TUBGCP2: variants seen among roughly 807,000 people sequenced by gnomAD.
TUBGCP2 encodes tubulin gamma complex component 2.
TUBGCP2 carries 55 observed loss-of-function variants against 92.2 expected under a neutral mutation model. That is an observed-to-expected ratio of 0.60 (90% CI 0.48 to 0.75). TUBGCP2 has a LOEUF of 0.75. Ranked by LOEUF, TUBGCP2 falls within the 30% of genes least tolerant of loss-of-function variation. The probability of loss-of-function intolerance (pLI) is 0.00; values close to 1 mark genes in which losing one functional copy is unlikely to be tolerated. For synonymous variants in TUBGCP2, 533 were observed against 505.2 expected (o/e 1.06, Z -0.74); for missense variants, 1,093 against 1,188.9 (o/e 0.92, Z 1.19).
chr10:133,302,958 C>A lies in TUBGCP2; in HGVS notation c.-17G>T. ...TTCACTCATAGTTTTAGCTCTGAGGCACGAACATCACAATATGTTCTCCTA... is the reference window on the plus strand; with the variant it reads ...TTCACTCATAGTTTTAGCTCTGAGGAACGAACATCACAATATGTTCTCCTA... On this transcript the variant is annotated 5_prime_UTR_variant, in exon 2 of 18. Coordinates refer to ENST00000252936, the MANE Select transcript of TUBGCP2 (RefSeq NM_006659.4). 1 of 1,613,900 alleles carries A rather than the reference C, an allele frequency of 6.2e-7. No homozygotes were observed. The highest frequency in any genetic ancestry group is 8.5e-7 in the Non-Finnish European group (1 of 1,179,888).
At chr10:133,307,631 G>A (rs1017979100) in intron 1 of TUBGCP2, among the ~76,000 whole-genome samples, 1 of 152,322 alleles carries the variant, frequency 6.6e-6, no homozygotes, top group South Asian at 2.1e-4. Flanking sequence ...TGTAATCCCA[G>A]CTACTTGGGA....
chr10:133,302,731 A>G lies in TUBGCP2; in HGVS notation c.150+61T>C, dbSNP rs888719351. 5.6e-6 allele frequency: 9 copies of G among 1,598,566 alleles called. No individual in the cohort carries two copies. In the African/African-American group the frequency reaches 1.1e-4, roughly 19 times the overall value. On this transcript the variant is annotated intron_variant, in intron 2 of 17. Transcript: ENST00000252936. ...TGACCCAGGGGTGGGCTCACCCTGCACCACCCTGACCCAGGAACAGTGCTC... is the reference window on the plus strand; with the variant it reads ...TGACCCAGGGGTGGGCTCACCCTGCGCCACCCTGACCCAGGAACAGTGCTC...
intron 1 of TUBGCP2, among the ~76,000 whole-genome samples, chr10:133,304,875 TG>T (rs1217291296): frequency 1.3e-4 from 20 of 152,210 alleles, no homozygotes; most frequent in African/African-American, 4.8e-4. Flanking sequence ...CCTTCTGTCA[TG>T]CCCGGACAGG....
chr10:133,285,138 G>A lies in TUBGCP2; in HGVS notation c.1971C>T (p.Ser657=), dbSNP rs139647770. The A allele has an allele frequency of 2.0e-5, 32 of 1,612,892 alleles. No individual in the cohort carries two copies. Among genetic ancestry groups the A allele is most frequent in the Middle Eastern group, 1.7e-4 (1 of 6,056 alleles). Residue 657 remains serine (S), a synonymous_variant, in exon 13 of 18, where the codon AGC becomes AGT. Coordinates refer to ENST00000252936, the MANE Select transcript of TUBGCP2 (RefSeq NM_006659.4). The surrounding 1 kb of genome is among the most constrained non-coding windows in gnomAD (Gnocchi z 6.8). ...YCKHVERQLC[S]VWISNKTAKQ... ...TGGCGGTTTTGTTGCTGATCCAGAC[G>A]CTGCAGAGCTGCCGCTCCACGTGCT...
In TUBGCP2 at chr10:133,292,648, C is replaced by T. The variant is rs770556932; in HGVS notation, c.1065G>A (p.Thr355=). The T allele has an allele frequency of 8.1e-6, 13 of 1,613,924 alleles. No homozygotes were observed. In the Admixed American group the frequency reaches 1.5e-4, roughly 19 times the overall value. Residue 355 remains threonine, a synonymous_variant, in exon 8 of 18, where the codon ACG becomes ACA. Transcript: ENST00000252936. The part of the protein sequence containing the change: ...VDKGECLGGS[T]LSLLHDRSFS... ...AGCTCCTGTCGTGGAGCAGGCTCAGCGTGGACCCCCCAAGACATTCGCCTT... is the reference window on the plus strand; with the variant it reads ...AGCTCCTGTCGTGGAGCAGGCTCAGTGTGGACCCCCCAAGACATTCGCCTT...
chr10:133,291,931 A>G (rs115890924), intron 8 of TUBGCP2, among the ~76,000 whole-genome samples: 242 of 12,762 alleles, frequency 0.019, 34 homozygotes, highest in African/African-American at 0.071. Flanking sequence ...CGTGTCCCCC[A>G]TGTCCCTCCG....
In TUBGCP2 at chr10:133,282,219, G is replaced by C. The variant is rs774743120; in HGVS notation, c.2409+4C>G. 59 of 1,611,520 alleles carry C rather than the reference G, an allele frequency of 3.7e-5. No homozygotes were observed. In the South Asian group the frequency reaches 5.1e-4, roughly 14 times the overall value. On this transcript the variant is annotated splice_donor_region_variant and intron_variant, in intron 16 of 17. Coordinates refer to ENST00000252936, the MANE Select transcript of TUBGCP2 (RefSeq NM_006659.4). ...CTCTCTGGCCAAACCTGGAGGCCAC[G>C]CACCTTCCTGGCGAGCTCCTTCCGG...
At chr10:133,299,910 A>G (rs2136134974) in intron 3 of TUBGCP2, 75 bp downstream of exon 3, 1 of 1,566,850 alleles carries the variant, frequency 6.4e-7, no homozygotes. Context: ...GATGGCGTGG[A>G]GTGAGCAGGA....
intron 11 of TUBGCP2, among the ~76,000 whole-genome samples, chr10:133,287,741 C>CAA (rs755545622): frequency 1.9e-3 from 240 of 127,780 alleles, no homozygotes; most frequent in African/African-American, 6.0e-3. Context: ...AACTCCGTCT[C>CAA]AAAAAAAAAA....
chr10:133,282,114 G>A (rs890224516), intron 16 of TUBGCP2, 109 bp downstream of exon 16: 12 of 1,521,012 alleles, frequency 7.9e-6, no homozygotes, highest in Middle Eastern at 2.4e-4. Flanking sequence ...AATCTGAGGG[G>A]AGATGGAAGT....
intron 2 of TUBGCP2, 71 bp from the exon 3 acceptor site, chr10:133,300,184 A>G: frequency 6.4e-7 from 1 of 1,553,852 alleles, no homozygotes; most frequent in East Asian, 2.3e-5. Flanking sequence ...ACCTTTACGA[A>G]AATTGAACAC....
Position 133,283,873 on chromosome 10 carries a change from A to T in TUBGCP2, c.2145+9T>A. 6.2e-7 allele frequency: 1 copy of T among 1,613,612 alleles called. No homozygotes were observed. Among genetic ancestry groups the T allele is most frequent in the Non-Finnish European group, 8.5e-7 (1 of 1,179,682 alleles). On this transcript the variant is annotated intron_variant, in intron 14 of 17. Transcript: ENST00000252936. ...TTCAAACGTTATTATCTGTGGAGCT[A>T]AAACTCACGGATTTCAGGTTTTTCT... is the stretch of plus-strand genomic sequence containing the variant.
chr10:133,281,666 T>C, intron 16 of TUBGCP2: 1 of 596,288 alleles, frequency 1.7e-6, no homozygotes, highest in Non-Finnish European at 2.9e-6. Flanking sequence ...AGGTGGTCAC[T>C]CTCCTTTGGG....
rs563757900 is a variant in TUBGCP2 at position 133,299,730 on chromosome 10, G to A, written c.280-127C>T. 1.4e-4 allele frequency: 123 copies of A among 905,420 alleles called. No homozygotes were observed. In the African/African-American group the frequency reaches 1.7e-3, roughly 13 times the overall value. The allele number at this position is 905,420 out of a possible 1,614,324, so 56.1% of individuals were successfully genotyped here. On this transcript the variant is annotated intron_variant, in intron 3 of 17. Transcript: ENST00000252936. ...AGGCACCCATTAATAGCAAAGCGACGCGTGCGACAGGCAGGAACTGAGCGT... is the reference window on the plus strand; with the variant it reads ...AGGCACCCATTAATAGCAAAGCGACACGTGCGACAGGCAGGAACTGAGCGT...
chr10:133,285,827 C>T lies in TUBGCP2; in HGVS notation c.1723-199G>A, dbSNP rs1847122755. On this transcript the variant is annotated intron_variant, in intron 11 of 17. Transcript: ENST00000252936. The surrounding 1 kb of genome is among the most constrained non-coding windows in gnomAD (Gnocchi z 6.8). ...AAAACTGAACCACTTCCCATCAGAA[C>T]AAAACAACAAAAATTCAGATGAATT... Among the ~76,000 whole-genome samples the T allele has an allele frequency of 6.6e-6, 1 of 152,034 alleles. No homozygotes were observed. The highest frequency in any genetic ancestry group is 2.1e-4 in the South Asian group (1 of 4,816).
At chr10:133,293,298 G>C (rs546369352) in intron 6 of TUBGCP2, 60 bp from the exon 7 acceptor site, 50 of 1,562,666 alleles carry the variant, frequency 3.2e-5, no homozygotes, top group Non-Finnish European at 3.9e-5. Flanking sequence ...TACAATGTCC[G>C]ATATTCTGAG....
At chr10:133,312,267 A>G (rs1232009325), upstream of TUBGCP2, 11 of 1,318,020 alleles carry the variant, frequency 8.3e-6, no homozygotes, top group African/African-American at 1.5e-4. Flanking sequence ...CTGCCTTTCT[A>G]GCATGACCTG....
chr10:133,306,015 C>T (rs1272660000), intron 1 of TUBGCP2, among the ~76,000 whole-genome samples: 1 of 152,224 alleles, frequency 6.6e-6, no homozygotes, highest in African/African-American at 2.4e-5. Flanking sequence ...AGTGAAATCA[C>T]CCTGAGAAAG....
chr10:133,289,260 G>A (rs1032045956), intron 9 of TUBGCP2, among the ~76,000 whole-genome samples: 2 of 152,246 alleles, frequency 1.3e-5, no homozygotes, highest in African/African-American at 4.8e-5. Context: ...AGACTGAGCT[G>A]GTGGTGGCAG....
Sources: gnomAD v4.1 joint callset for allele counts (sites outside exome capture counted in the v4.1 genomes callset) on GRCh38, gnomAD v4.1.1 for gene constraint, Gnocchi (gnomAD v3.1) non-coding constraint, MANE v1.5 for transcripts, NCBI Gene and HGNC (gene_info 2026-07-23, HGNC 2026-07-21) for gene names.